DENND5B: variants seen among roughly 807,000 people sequenced by gnomAD.
DENND5B encodes DENN domain containing 5B, also known as DENN domain-containing protein 5B.
Under a neutral mutation model 140.6 loss-of-function variants are expected in DENND5B, and 34 were observed. The observed-to-expected ratio is 0.24, with a 90% CI of 0.18 to 0.32. DENND5B has a LOEUF of 0.32. Ranked by LOEUF, DENND5B falls within the 10% of genes least tolerant of loss-of-function variation. DENND5B has a pLI of 1.00. For missense variants in DENND5B, 1,142 were observed against 1,560.2 expected (o/e 0.73, Z 4.52); for synonymous variants, 551 against 562.1 (o/e 0.98, Z 0.28).
At chr12:31,561,491 C>T (rs566361664) in intron 1 of DENND5B, among the ~76,000 whole-genome samples, 48 of 152,184 alleles carry the variant, frequency 3.2e-4, no homozygotes, top group Non-Finnish European at 6.5e-4. Flanking sequence ...ACAATTTATG[C>T]TCCACATGCC....
At position 31,436,109 on chromosome 12, in the gene DENND5B, C is replaced by G. The variant is rs184582169; in HGVS notation, c.2013-2861G>C. 3.3e-5 allele frequency among the ~76,000 whole-genome samples: 5 copies of G among 150,600 alleles called. No homozygotes were observed. In the South Asian group the frequency reaches 6.3e-4, roughly 19 times the overall value. ...TGTTCCCAGCTGCCTAAAGCCCCCCCACTTTTTTTTTTTGAGACGGAGTCT... is the reference window on the plus strand; with the variant it reads ...TGTTCCCAGCTGCCTAAAGCCCCCCGACTTTTTTTTTTTGAGACGGAGTCT... On this transcript the variant is annotated intron_variant, in intron 7 of 20. Transcript: ENST00000389082.
chr12:31,516,719 CT>C, intron 1 of DENND5B, among the ~76,000 whole-genome samples: 1 of 152,206 alleles, frequency 6.6e-6, no homozygotes, highest in South Asian at 2.1e-4. Flanking sequence ...TATTTAAGTT[CT>C]TTCCTTTGTT....
intron 1 of DENND5B, among the ~76,000 whole-genome samples, chr12:31,497,363 C>T (rs1158114269): frequency 1.3e-5 from 2 of 152,178 alleles, no homozygotes; most frequent in Non-Finnish European, 1.5e-5. Context: ...CTCCATACTT[C>T]CATCTTCTAA....
chr12:31,480,414 C>T (rs2138551309), intron 2 of DENND5B, among the ~76,000 whole-genome samples, 159 bp from the exon 3 acceptor site: 1 of 152,142 alleles, frequency 6.6e-6, no homozygotes, highest in South Asian at 2.1e-4. Flanking sequence ...TTATAAATTC[C>T]TCATACACAT....
chr12:31,390,501 T>A (rs946655247), intron 19 of DENND5B, among the ~76,000 whole-genome samples: 1 of 151,926 alleles, frequency 6.6e-6, no homozygotes, highest in African/African-American at 2.4e-5. Flanking sequence ...TAGCTGGGCG[T>A]GGTGGCAGGC....
At chr12:31,490,626 T>A (rs912341158) in intron 2 of DENND5B, among the ~76,000 whole-genome samples, 18 of 137,258 alleles carry the variant, frequency 1.3e-4, no homozygotes, top group Admixed American at 2.9e-4. Flanking sequence ...AAAAAAAAAA[T>A]TTTATTGTGA....
intron 12 of DENND5B, among the ~76,000 whole-genome samples, chr12:31,414,495 G>A (rs769475072): frequency 1.3e-5 from 2 of 151,992 alleles, no homozygotes; most frequent in African/African-American, 2.4e-5. Context: ...AGGTGTTTAA[G>A]GGAGTTTTAA....
intron 9 of DENND5B, among the ~76,000 whole-genome samples, chr12:31,425,969 A>G (rs1943212396): frequency 6.6e-6 from 1 of 152,208 alleles, no homozygotes. Flanking sequence ...CAGACACAAA[A>G]GTGTTGCCTT....
chr12:31,430,960 A>G (rs1943483628), intron 8 of DENND5B, among the ~76,000 whole-genome samples: 1 of 152,230 alleles, frequency 6.6e-6, no homozygotes, highest in Admixed American at 6.5e-5. Flanking sequence ...GCAAATTGCA[A>G]AAACAGAGCA....
At chr12:31,402,182 G>A (rs188381034) in intron 15 of DENND5B, among the ~76,000 whole-genome samples, 3 of 151,948 alleles carry the variant, frequency 2.0e-5, no homozygotes, top group East Asian at 1.9e-4. Flanking sequence ...GAGAACCACC[G>A]CGGGGAAAAC....
chr12:31,512,319 C>T (rs371250578), intron 1 of DENND5B, among the ~76,000 whole-genome samples: 4 of 151,444 alleles, frequency 2.6e-5, no homozygotes, highest in African/African-American at 7.3e-5. Flanking sequence ...GCTTGTCAAG[C>T]GACCCTCCCA....
At position 31,413,422 on chromosome 12, in the gene DENND5B, A is replaced by C; in HGVS notation, c.2681+14T>G. 6.2e-7 allele frequency: 1 copy of C among 1,606,178 alleles called. No homozygotes were observed. Among genetic ancestry groups the C allele is most frequent in the Non-Finnish European group, 8.5e-7 (1 of 1,176,554 alleles). Reference sequence around the variant, plus strand: ...GATTATAGAAACAGAAATGTATCAAAGATGGTATCTTACTTGGTGAGTGGT... The same window carrying C: ...GATTATAGAAACAGAAATGTATCAACGATGGTATCTTACTTGGTGAGTGGT... On this transcript the variant is annotated intron_variant, in intron 13 of 20. Transcript: ENST00000389082.
chr12:31,437,627 T>C (rs1035043235), intron 7 of DENND5B, among the ~76,000 whole-genome samples: 1 of 152,332 alleles, frequency 6.6e-6, no homozygotes, highest in East Asian at 1.9e-4. Context: ...GTTTAATATA[T>C]ACTTTTTCCT....
At chr12:31,419,116 G>C (rs1357378392) in intron 11 of DENND5B, among the ~76,000 whole-genome samples, 2 of 152,090 alleles carry the variant, frequency 1.3e-5, no homozygotes, top group African/African-American at 4.8e-5. Context: ...AATCTAAGAA[G>C]GTTTCCATGA....
chr12:31,411,244 G>C (rs1212077697), intron 13 of DENND5B, among the ~76,000 whole-genome samples: 1 of 151,144 alleles, frequency 6.6e-6, no homozygotes, highest in East Asian at 1.9e-4. Flanking sequence ...CTCTACGTTG[G>C]TCAGGCTAGT....
At chr12:31,461,280 A>T (rs1164143523) in intron 3 of DENND5B, among the ~76,000 whole-genome samples, 3 of 152,148 alleles carry the variant, frequency 2.0e-5, no homozygotes, top group Non-Finnish European at 4.4e-5. Flanking sequence ...AGATACATGC[A>T]TTCATAGTTA....
chr12:31,513,392 T>A (rs937804751), intron 1 of DENND5B, among the ~76,000 whole-genome samples: 1 of 152,166 alleles, frequency 6.6e-6, no homozygotes, highest in Non-Finnish European at 1.5e-5. Context: ...AAATAGAGAG[T>A]TATACTTCAC....
intron 1 of DENND5B, among the ~76,000 whole-genome samples, chr12:31,556,048 C>T (rs541517359): frequency 7.4e-4 from 112 of 152,322 alleles, no homozygotes; most frequent in South Asian, 5.0e-3. Context: ...GCGCGTGGTG[C>T]GCTGCACCCA....
intron 1 of DENND5B, among the ~76,000 whole-genome samples, chr12:31,499,216 C>A (rs968564740): frequency 3.3e-5 from 5 of 152,096 alleles, no homozygotes; most frequent in Non-Finnish European, 5.9e-5. Context: ...ACATAAGCAT[C>A]CTGTACTTAA....
Sources: allele counts gnomAD v4.1 joint callset (sites outside exome capture counted in the v4.1 genomes callset), GRCh38; gene constraint gnomAD v4.1.1; transcripts MANE v1.5; gene names NCBI Gene and HGNC (gene_info 2026-07-23, HGNC 2026-07-21).